The following ARHGAP42 variants were observed in gnomAD, a reference collection of about 807,000 sequenced individuals.
ARHGAP42 encodes the protein rho GTPase-activating protein 42.
In ARHGAP42, 63 loss-of-function variants were observed where a neutral mutation model predicts 125.0. The observed-to-expected ratio is 0.50, with a 90% confidence interval of 0.41 to 0.62. The LOEUF is 0.62. ARHGAP42 is among the 20% of genes least tolerant of loss of function. The pLI is 0.00. For synonymous variants in ARHGAP42, 339 were observed against 351.0 expected (o/e 0.97, Z 0.38); for missense variants, 766 against 1,024.2 (o/e 0.75, Z 3.44).
chr11:100,984,796 G>A (rs1303943996), intron 22 of ARHGAP42, among the ~76,000 whole-genome samples: 1 of 152,032 alleles, frequency 6.6e-6, no homozygotes, highest in African/African-American at 2.4e-5. Context: ...AGAATCTTCT[G>A]AAGAGAGATA....
At chr11:100,880,787 T>G (rs1865942090) in intron 4 of ARHGAP42, among the ~76,000 whole-genome samples, 1 of 152,202 alleles carries the variant, frequency 6.6e-6, no homozygotes, top group African/African-American at 2.4e-5. Context: ...ATTGTGTCCA[T>G]TCTTGCAGGA....
intron 3 of ARHGAP42, among the ~76,000 whole-genome samples, chr11:100,810,512 C>G (rs1304798409): frequency 6.6e-6 from 1 of 152,184 alleles, no homozygotes; most frequent in African/African-American, 2.4e-5. Context: ...ATATTTTCAA[C>G]AGCAGATACA....
chr11:100,839,101 C>T (rs1036791579), intron 3 of ARHGAP42, among the ~76,000 whole-genome samples: 5 of 152,090 alleles, frequency 3.3e-5, no homozygotes, highest in African/African-American at 4.8e-5. Context: ...GCCTCGCATC[C>T]CTTCCTGCTT....
chr11:100,875,111 G>C (rs201045856), intron 4 of ARHGAP42, among the ~76,000 whole-genome samples: 3,393 of 38,828 alleles, frequency 0.087, 38 homozygotes, highest in Middle Eastern at 0.14. Flanking sequence ...CTCTCTCTGT[G>C]TGTGTGTGTG....
At chr11:100,756,726 C>T (rs952635924) in intron 1 of ARHGAP42, among the ~76,000 whole-genome samples, 1 of 152,142 alleles carries the variant, frequency 6.6e-6, no homozygotes, top group Non-Finnish European at 1.5e-5. Flanking sequence ...TACAGCCAGA[C>T]GTAGTTGCAC....
chr11:100,908,919 C>T (rs940874197), intron 4 of ARHGAP42, among the ~76,000 whole-genome samples: 2 of 152,152 alleles, frequency 1.3e-5, no homozygotes, highest in African/African-American at 4.8e-5. Flanking sequence ...TTCTGACCAG[C>T]CATTCTGACT....
intron 4 of ARHGAP42, among the ~76,000 whole-genome samples, chr11:100,904,466 C>G (rs1427994671): frequency 6.6e-6 from 1 of 152,040 alleles, no homozygotes; most frequent in Non-Finnish European, 1.5e-5. Flanking sequence ...AGGCTGGTCT[C>G]GAACTCCTGA....
intron 3 of ARHGAP42, among the ~76,000 whole-genome samples, chr11:100,849,687 C>G (rs979850509): frequency 1.3e-5 from 2 of 152,054 alleles, no homozygotes; most frequent in African/African-American, 2.4e-5. Flanking sequence ...CCCTAATTCT[C>G]AGAGATCCTT....
chr11:100,719,622 C>T (rs911848275), intron 1 of ARHGAP42, among the ~76,000 whole-genome samples: 1 of 152,140 alleles, frequency 6.6e-6, no homozygotes, highest in Admixed American at 6.6e-5. Context: ...CACAGGTGAC[C>T]TCACCCATAT....
chr11:100,896,032 C>T (rs567786423), intron 4 of ARHGAP42, among the ~76,000 whole-genome samples: 1 of 152,234 alleles, frequency 6.6e-6, no homozygotes, highest in South Asian at 2.1e-4. Context: ...GTGATGTACC[C>T]TGCCCTGTGT....
At chr11:100,779,497 C>CACACACAT (rs1554996438) in intron 2 of ARHGAP42, among the ~76,000 whole-genome samples, 1 of 87,980 alleles carries the variant, frequency 1.1e-5, no homozygotes, top group Non-Finnish European at 2.6e-5. Flanking sequence ...CACACACACA[C>CACACACAT]ATATATACAC....
intron 8 of ARHGAP42, among the ~76,000 whole-genome samples, chr11:100,940,748 A>T (rs535826123): frequency 2.0e-5 from 3 of 152,168 alleles, no homozygotes; most frequent in Admixed American, 6.6e-5. Context: ...AACTTAGTGA[A>T]GTCTTAGATG....
At chr11:100,974,341 G>A in intron 18 of ARHGAP42, 118 bp from the exon 19 acceptor site, 1 of 921,074 alleles carries the variant, frequency 1.1e-6, no homozygotes, top group Non-Finnish European at 1.5e-6. Context: ...AGTTACAATT[G>A]CTCTAGGATA....
rs1275414173 is a variant in ARHGAP42 at position 100,948,454 on chromosome 11, T to C, written c.1044-3T>C. 1 of 1,523,352 alleles carries C rather than the reference T, an allele frequency of 6.6e-7. No individual in the cohort carries two copies. Among genetic ancestry groups the C allele is most frequent in the African/African-American group, 1.4e-5 (1 of 71,752 alleles). The allele number at this position is 1,523,352 out of a possible 1,614,324, so 94.4% of individuals were successfully genotyped here. A position where few individuals can be genotyped will look rare whatever the true frequency, so the allele number is the denominator to read the frequency against. The stretch of plus-strand genomic sequence containing the variant: ...AATATAGAAAATATTTGTTTTTAAA[T>C]AGGCATGGGATCATCACGTTACAGG... On this transcript the variant is annotated splice_polypyrimidine_tract_variant and splice_region_variant and intron_variant, in intron 10 of 23. Transcript: ENST00000298815.
chr11:100,843,496 A>G (rs916746763), intron 3 of ARHGAP42, among the ~76,000 whole-genome samples: 4 of 152,166 alleles, frequency 2.6e-5, no homozygotes, highest in Non-Finnish European at 5.9e-5. Context: ...CCAAATAGGT[A>G]AAGAAGAAAT....
chr11:100,923,433 C>T (rs1473386262), intron 6 of ARHGAP42, among the ~76,000 whole-genome samples: 1 of 152,150 alleles, frequency 6.6e-6, no homozygotes, highest in Non-Finnish European at 1.5e-5. Flanking sequence ...TCCCTTTATT[C>T]CTCTTGGAAG....
intron 4 of ARHGAP42, among the ~76,000 whole-genome samples, chr11:100,891,592 A>G (rs560331896): frequency 6.6e-6 from 1 of 151,850 alleles, no homozygotes; most frequent in South Asian, 2.1e-4. Flanking sequence ...ACAGGTGCAC[A>G]CCACCACACC....
At chr11:100,903,117 G>GCAAA (rs1555021073) in intron 4 of ARHGAP42, among the ~76,000 whole-genome samples, 2 of 131,942 alleles carry the variant, frequency 1.5e-5, no homozygotes, top group African/African-American at 5.6e-5. Flanking sequence ...TCCAAGATGC[G>GCAAA]CACACACACA....
chr11:100,696,537 T>TA (rs1565531764), intron 1 of ARHGAP42, among the ~76,000 whole-genome samples: 1 of 152,080 alleles, frequency 6.6e-6, no homozygotes, highest in Non-Finnish European at 1.5e-5. Flanking sequence ...GTCTTTTTAG[T>TA]AGAGATGGGG....
Sources: gnomAD v4.1 joint callset for allele counts (sites outside exome capture counted in the v4.1 genomes callset) on GRCh38, gnomAD v4.1.1 for gene constraint, MANE v1.5 for transcripts, NCBI Gene and HGNC (gene_info 2026-07-23, HGNC 2026-07-21) for gene names.